GALNT15: variants seen among roughly 807,000 people sequenced by gnomAD.
GALNT15 encodes polypeptide N-acetylgalactosaminyltransferase 15.
A neutral mutation model predicts 66.8 loss-of-function variants in GALNT15; 67 were observed. The observed-to-expected ratio is 1.00, with a 90% CI of 0.82 to 1.23. The LOEUF (loss-of-function observed/expected upper bound fraction) is 1.23, where lower values mean the gene tolerates loss of function less well. Among genes scored for constraint, GALNT15 ranks in the 50% most tolerant of loss-of-function variants. GALNT15 has a pLI of 0.00. For synonymous variants in GALNT15, 313 were observed against 311.5 expected (o/e 1.00, Z -0.05); for missense variants, 827 against 804.3 (o/e 1.03, Z -0.34).
rs892542673 is a variant in GALNT15 at position 16,191,202 on chromosome 3, A to C, written c.540-4558A>C. Among the ~76,000 whole-genome samples the C allele has an allele frequency of 6.6e-6, 1 of 152,154 alleles. No individual in the cohort carries two copies. Among genetic ancestry groups the C allele is most frequent in the South Asian group, 2.1e-4 (1 of 4,820 alleles). Reference sequence around the variant, plus strand: ...TCCTGGAGCAAGGGGAGTCTATGAAATTCTCTTTGAAATGCTTGCTGTCCT... The same window carrying C: ...TCCTGGAGCAAGGGGAGTCTATGAACTTCTCTTTGAAATGCTTGCTGTCCT... On this transcript the variant is annotated intron_variant, in intron 1 of 9. Coordinates refer to ENST00000339732, the MANE Select transcript of GALNT15 (RefSeq NM_054110.5). The surrounding 1 kb of genome is among the most constrained non-coding windows in gnomAD (Gnocchi z 5.2).
rs2063807084 is a variant in GALNT15, at chr3:16,210,972, C to T, written c.1080-152C>T. ...GGATTTCTGACATCGTGGCTCTGCT[C>T]CAGTCTTGCAATTAAAAAATTGCAT... On this transcript the variant is annotated intron_variant, in intron 4 of 9. Coordinates refer to ENST00000339732, the MANE Select transcript of GALNT15 (RefSeq NM_054110.5). 2.8e-5 allele frequency: 17 copies of T among 597,104 alleles called. No homozygotes were observed. The South Asian group carries it at 3.3e-4, about 12-fold the overall frequency. The allele number at this position is 597,104 out of a possible 1,614,324, so 37.0% of individuals were successfully genotyped here.
At position 16,184,544 on chromosome 3, in the gene GALNT15, G is replaced by A. The variant is rs149805175; in HGVS notation, c.539+8854G>A. Among the ~76,000 whole-genome samples the A allele has an allele frequency of 1.9e-4, 29 of 152,278 alleles. 1 individual carries two copies. The East Asian group carries it at 5.6e-3, about 29-fold the overall frequency. ...TACCCACCCTTCAGGTCTTGGCTTT[G>A]ATTTCACGTCCCTACATCCAGAACG... On this transcript the variant is annotated intron_variant, in intron 1 of 9. Coordinates refer to ENST00000339732, the MANE Select transcript of GALNT15 (RefSeq NM_054110.5). This position sits in a 1 kb window ranked among gnomAD's most constrained non-coding sequence, Gnocchi z 5.0.
downstream of GALNT15, among the ~76,000 whole-genome samples, chr3:16,236,530 C>T (rs2064126594): frequency 6.6e-6 from 1 of 152,216 alleles, no homozygotes; most frequent in South Asian, 2.1e-4. Flanking sequence ...TTTGACTCAA[C>T]TGTAGGAGAC....
chr3:16,232,816 G>C (rs1341581399), downstream of GALNT15, among the ~76,000 whole-genome samples: 1 of 151,636 alleles, frequency 6.6e-6, no homozygotes, highest in East Asian at 1.9e-4. Context: ...AAATCACGTG[G>C]GGACCATGTT....
Position 16,227,096 on chromosome 3 carries a change from ACTTT to A in GALNT15, c.1774-255_1774-252del, listed in dbSNP as rs1261788428. ...TGCTCTGGGAATTATACTAACCATAACTTTCTAAGAAATGGTGCAATTACACAAC... is the reference window on the plus strand; with the variant it reads ...TGCTCTGGGAATTATACTAACCATAACTAAGAAATGGTGCAATTACACAAC... On this transcript the variant is annotated intron_variant, in intron 9 of 9. Transcript: ENST00000339732. The surrounding 1 kb of genome is among the most constrained non-coding windows in gnomAD (Gnocchi z 4.5). 6.6e-6 allele frequency among the ~76,000 whole-genome samples: 1 copy of A among 152,236 alleles called. No homozygotes were observed. The highest frequency in any genetic ancestry group is 2.4e-5 in the African/African-American group (1 of 41,462).
rs950361658 is a variant in GALNT15, at chr3:16,183,900, G to A, written c.539+8210G>A. 2.0e-5 allele frequency among the ~76,000 whole-genome samples: 3 copies of A among 152,194 alleles called. No individual in the cohort carries two copies. The highest frequency in any genetic ancestry group is 7.2e-5 in the African/African-American group (3 of 41,444). ...TTCCAAGTTCACAGGGGATCCTGGA[G>A]CTGCAGGAAAAGAGGGTGTGCATCT... is the stretch of plus-strand genomic sequence containing the variant. On this transcript the variant is annotated intron_variant, in intron 1 of 9. Transcript: ENST00000339732. This position sits in a 1 kb window ranked among gnomAD's most constrained non-coding sequence, Gnocchi z 5.2.
chr3:16,225,531 C>G lies in GALNT15; in HGVS notation c.1774-1823C>G, dbSNP rs2063999415. On this transcript the variant is annotated intron_variant, in intron 9 of 9. Transcript: ENST00000339732. The surrounding 1 kb of genome is among the most constrained non-coding windows in gnomAD (Gnocchi z 4.4). ...CCAATATGGTGAAACCCCGTTTCTA[C>G]TAAAAACACAAAAACTAGCCAGGTG... Among the ~76,000 whole-genome samples the G allele has an allele frequency of 6.7e-6, 1 of 150,252 alleles. No homozygotes were observed. The highest frequency in any genetic ancestry group is 1.5e-5 in the Non-Finnish European group (1 of 67,592).
At position 16,188,305 on chromosome 3, in the gene GALNT15, A is replaced by G. The variant is rs2063538405; in HGVS notation, c.540-7455A>G. Among the ~76,000 whole-genome samples the G allele has an allele frequency of 6.6e-6, 1 of 152,264 alleles. No individual in the cohort carries two copies. Among genetic ancestry groups the G allele is most frequent in the African/African-American group, 2.4e-5 (1 of 41,480 alleles). ...ACTCAGTTGGCACAAAATGGCAGCCATAGGTCGTGTCCCATCACAGACATG... is the reference window on the plus strand; with the variant it reads ...ACTCAGTTGGCACAAAATGGCAGCCGTAGGTCGTGTCCCATCACAGACATG... On this transcript the variant is annotated intron_variant, in intron 1 of 9. Transcript: ENST00000339732. The surrounding 1 kb of genome is among the most constrained non-coding windows in gnomAD (Gnocchi z 4.6).
chr3:16,179,898 G>A (rs1249338288), intron 1 of GALNT15, among the ~76,000 whole-genome samples: 2 of 152,184 alleles, frequency 1.3e-5, no homozygotes, highest in Non-Finnish European at 2.9e-5. Context: ...TGTCAAAGAA[G>A]GGGCGGGAGG....
chr3:16,187,553 C>A lies in GALNT15; in HGVS notation c.540-8207C>A, dbSNP rs541259859. On this transcript the variant is annotated intron_variant, in intron 1 of 9. Coordinates refer to ENST00000339732, the MANE Select transcript of GALNT15 (RefSeq NM_054110.5). The surrounding 1 kb of genome is among the most constrained non-coding windows in gnomAD (Gnocchi z 5.1). ...GCATCTCATGACAGCAAGTGGAAGG[C>A]CTTGAGGCTTAATCTTGGGAATTCT... Among the ~76,000 whole-genome samples, 7 of 152,260 alleles carry A rather than the reference C, an allele frequency of 4.6e-5. No homozygotes were observed. The highest frequency in any genetic ancestry group is 3.4e-3 in the Middle Eastern group (1 of 294).
chr3:16,245,725 G>A, the GALNT15 span, among the ~76,000 whole-genome samples: 2 of 152,222 alleles, frequency 1.3e-5, no homozygotes, highest in African/African-American at 2.4e-5. Flanking sequence ...CTGGGCCTCA[G>A]GGGAAAAGCC....
downstream of GALNT15, among the ~76,000 whole-genome samples, chr3:16,232,863 C>T (rs1575005224): frequency 1.3e-5 from 2 of 151,652 alleles, no homozygotes; most frequent in South Asian, 2.1e-4. Flanking sequence ...CTGTGTGGGG[C>T]GTGAGATTCT....
At chr3:16,205,134 C>T (rs1365918654) in intron 3 of GALNT15, among the ~76,000 whole-genome samples, 1 of 152,180 alleles carries the variant, frequency 6.6e-6, no homozygotes, top group East Asian at 1.9e-4. Flanking sequence ...AAGCCGATGC[C>T]AGTCCTGCGG....
intron 9 of GALNT15, among the ~76,000 whole-genome samples, chr3:16,227,000 G>A (rs1334830887): frequency 6.6e-6 from 1 of 152,138 alleles, no homozygotes; most frequent in Non-Finnish European, 1.5e-5. Flanking sequence ...GGATTAAATC[G>A]TTTTGAAAGC....
downstream of GALNT15, among the ~76,000 whole-genome samples, chr3:16,232,469 A>ATATACATATATATATAT (rs1553689249): frequency 5.2e-5 from 2 of 38,742 alleles, no homozygotes; most frequent in Non-Finnish European, 1.1e-4. Flanking sequence ...TAAATAAATA[A>ATATACATATATATATAT]ATATATATAT....
At chr3:16,236,474 C>T (rs1012461132), downstream of GALNT15, among the ~76,000 whole-genome samples, 3 of 152,210 alleles carry the variant, frequency 2.0e-5, no homozygotes, top group Non-Finnish European at 4.4e-5. Context: ...GGTGGTTGGC[C>T]AGATTTGGCC....
Position 16,175,440 on chromosome 3 carries a change from G to C in GALNT15, c.289G>C (p.Val97Leu). 1 of 1,614,214 alleles carries C rather than the reference G, an allele frequency of 6.2e-7. No individual in the cohort carries two copies. Among genetic ancestry groups the C allele is most frequent in the South Asian group, 1.1e-5 (1 of 91,088 alleles). Residue 97 changes from valine (V) to leucine (L), a missense_variant, in exon 1 of 10, where the codon GTG becomes CTG. Val to Leu is a conservative substitution (Grantham distance 32). Transcript: ENST00000339732. This position sits in a 1 kb window ranked among gnomAD's most constrained non-coding sequence, Gnocchi z 5.6. ...FISLREDQLL[V>L]AVALPQARRN... ...CTCACTGCGGGAGGATCAGCTGCTG[G>C]TGGCCGTGGCCTTACCCCAGGCCAG...
In GALNT15 at chr3:16,224,540, G is replaced by T. The variant is rs2063984040; in HGVS notation, c.1773+1782G>T. 6.6e-6 allele frequency among the ~76,000 whole-genome samples: 1 copy of T among 151,134 alleles called. No homozygotes were observed. Among genetic ancestry groups the T allele is most frequent in the Non-Finnish European group, 1.5e-5 (1 of 67,956 alleles). ...GAAAAAGGGAATTTGTTTATTAATG[G>T]TTATAGAGTTTCACTTTTACAAGAT... On this transcript the variant is annotated intron_variant, in intron 9 of 9. Transcript: ENST00000339732. The surrounding 1 kb of genome is among the most constrained non-coding windows in gnomAD (Gnocchi z 5.2).
At position 16,222,713 on chromosome 3, in the gene GALNT15, G is replaced by A. The variant is rs6784365; in HGVS notation, c.1728G>A (p.Thr576=). The change falls in exon 9 of 10, where the codon ACG becomes ACA. Residue 576 remains threonine (T), a synonymous_variant. Transcript: ENST00000339732. ...RQEQVILQNC[T]EEGLAIHQQH... is the part of the protein sequence containing the mutation. The stretch of plus-strand genomic sequence containing the variant: ...AGCAGGTGATTCTTCAGAACTGCAC[G>A]GAGGAAGGCCTGGCCATCCACCAGC... 2,565 of 1,614,216 alleles carry A rather than the reference G, an allele frequency of 1.6e-3. 30 individuals are homozygous for A. The African/African-American group carries it at 0.026, about 16-fold the overall frequency.
Sources: gnomAD v4.1 joint callset for allele counts (sites outside exome capture counted in the v4.1 genomes callset) on GRCh38, gnomAD v4.1.1 for gene constraint, Gnocchi (gnomAD v3.1) non-coding constraint, MANE v1.5 for transcripts, NCBI Gene and HGNC (gene_info 2026-07-23, HGNC 2026-07-21) for gene names.